LILRA1: variants seen among roughly 807,000 people sequenced by gnomAD.
LILRA1 encodes the protein leukocyte immunoglobulin-like receptor subfamily A member 1.
Under a neutral mutation model 51.6 loss-of-function variants are expected in LILRA1, and 51 were observed. The ratio of observed to expected loss-of-function variants is 0.99; its 90% confidence interval spans 0.79 to 1.25. The LOEUF is 1.25. Among genes scored for constraint, LILRA1 ranks in the 50% most tolerant of loss-of-function variants. LILRA1 has a pLI of 0.00. For missense variants in LILRA1, 660 were observed against 611.7 expected, an observed-to-expected ratio of 1.08 and a Z score of -0.83; for synonymous variants, 305 against 248.4, an observed-to-expected ratio of 1.23 and a Z score of -2.14.
At chr19:54,599,748 C>G in intron 8 of LILRA1, 1 of 439,964 alleles carries the variant, frequency 2.3e-6, no homozygotes, top group South Asian at 6.1e-5. Context: ...AAGTAAGATA[C>G]TTTTGAATAT....
rs780214812 is a variant in LILRA1 at position 54,596,341 on chromosome 19, T to A, written c.1111T>A (p.Ser371Thr). The A allele has an allele frequency of 9.9e-6, 16 of 1,613,962 alleles. No individual in the cohort carries two copies. Among genetic ancestry groups the A allele is most frequent in the African/African-American group, 1.3e-5 (1 of 74,942 alleles). ...GAADAPLRLRSIHEYPKYQAE... is the reference protein window; with the variant it reads ...GAADAPLRLRTIHEYPKYQAE... ...AGCTGATGCCCCCCTCCGTCTCAGA[T>A]CAATACACGAATATCCTAAGTACCA... Residue 371 changes from serine to threonine, a missense_variant, in exon 7 of 10, where the codon TCA (serine) becomes ACA (threonine). Transcript: ENST00000251372.
chr19:54,596,013 G>C, intron 6 of LILRA1, 78 bp downstream of exon 6: 8 of 1,563,080 alleles, frequency 5.1e-6, no homozygotes, highest in South Asian at 3.5e-5. Context: ...GGTGATGGCC[G>C]GAATGAGGGG....
At position 54,602,240 on chromosome 19, in the gene LILRA1, C is replaced by T. The variant is rs1331518990; in HGVS notation, c.*1423C>T. 1 of 151,910 alleles carries T rather than the reference C, an allele frequency of 6.6e-6. No homozygotes were observed. Among genetic ancestry groups the T allele is most frequent in the African/African-American group, 2.4e-5 (1 of 41,354 alleles). The allele number at this position is 151,910 out of a possible 1,614,324, so 9.4% of individuals were successfully genotyped here. ...AGAAATCTTATCATTCACCGTCTACCCTCTAGAGTAAACAAATCTTATCAT... is the reference window on the plus strand; with the variant it reads ...AGAAATCTTATCATTCACCGTCTACTCTCTAGAGTAAACAAATCTTATCAT... On this transcript the variant is annotated 3_prime_UTR_variant, in exon 10 of 10. Transcript: ENST00000251372.
At chr19:54,600,320 T>C (rs2363863) in intron 8 of LILRA1, among the ~76,000 whole-genome samples, 192 bp from the exon 9 acceptor site, 103,178 of 151,998 alleles carry the variant, frequency 0.68, 35,139 homozygotes, top group East Asian at 0.81. Flanking sequence ...GCCTCAGGAG[T>C]AACATTCGAA....
intron 7 of LILRA1, among the ~76,000 whole-genome samples, chr19:54,597,262 C>T (rs1370873428): frequency 6.6e-6 from 1 of 152,138 alleles, no homozygotes; most frequent in Non-Finnish European, 1.5e-5. Context: ...GGAGGGTGGA[C>T]AGTAAGGGTG....
intron 7 of LILRA1, among the ~76,000 whole-genome samples, chr19:54,598,363 T>C (rs765169113): frequency 1.3e-5 from 2 of 152,164 alleles, no homozygotes; most frequent in African/African-American, 2.4e-5. Flanking sequence ...CTTCCTCCTG[T>C]ACATATTAAA....
Position 54,601,156 on chromosome 19 carries a change from C to G in LILRA1, c.*339C>G. The stretch of plus-strand genomic sequence containing the variant: ...CCACACCTCTGCACATCTGTGTGCT[C>G]TGGTCCATGGTGTGTAACACAGTCT... On this transcript the variant is annotated 3_prime_UTR_variant, in exon 10 of 10. Transcript: ENST00000251372. 2.4e-6 allele frequency: 1 copy of G among 414,526 alleles called. No homozygotes were observed. The highest frequency in any genetic ancestry group is 4.5e-6 in the Non-Finnish European group (1 of 223,428). The allele number at this position is 414,526 out of a possible 1,614,324, so 25.7% of individuals were successfully genotyped here.
Position 54,594,870 on chromosome 19 carries a change from C to A in LILRA1, c.276C>A (p.His92Gln). ...CCATCCCATCCATCACCTGGGAACA[C>A]ACAGGGCGGTATCGCTGTTTCTACG... Reference protein sequence around the residue: ...QFPIPSITWEHTGRYRCFYGS... With the variant: ...QFPIPSITWEQTGRYRCFYGS... Residue 92 changes from histidine to glutamine, a missense_variant, in exon 4 of 10, where the codon CAC (histidine) becomes CAA (glutamine). By Grantham distance (24) the His-to-Gln change is conservative (BLOSUM62 0). Transcript: ENST00000251372. 6.6e-7 allele frequency: 1 copy of A among 1,516,036 alleles called. No homozygotes were observed. Among genetic ancestry groups the A allele is most frequent in the Non-Finnish European group, 9.1e-7 (1 of 1,098,486 alleles). 93.9% of individuals were successfully genotyped at this position (1,516,036 alleles called of 1,614,324 possible).
In LILRA1 at chr19:54,600,531, C is replaced by T. The variant is rs151133702; in HGVS notation, c.1332C>T (p.Ser444=). 137 of 1,614,064 alleles carry T rather than the reference C, an allele frequency of 8.5e-5. No individual in the cohort carries two copies. In the African/African-American group the frequency reaches 1.3e-3, roughly 15 times the overall value. ...DSKAGAANTL[S]PSQNKTASHP... ...TCTCAGGAGCAGCTAACACCCTCAG[C>T]CCATCACAAAACAAGACTGGTGAGT... The change falls in exon 9 of 10, where the codon AGC becomes AGT. Residue 444 remains serine (S), a synonymous_variant. Coordinates refer to ENST00000251372, the MANE Select transcript of LILRA1 (RefSeq NM_006863.4).
At position 54,595,418 on chromosome 19, in the gene LILRA1, C is replaced by A. The variant is rs436939; in HGVS notation, c.661+16C>A. ...CTGGTCCTAGGTGAGAAATTCACAG[C>A]ATTGCCTGGAGTTCCCTGAGTCTCC... On this transcript the variant is annotated intron_variant, in intron 5 of 9. Transcript: ENST00000251372. 67,784 of 1,587,340 alleles carry A rather than the reference C, an allele frequency of 0.043. 682 individuals carry two copies. The highest frequency in any genetic ancestry group is 0.054 in the South Asian group (4,777 of 88,424).
In LILRA1 at chr19:54,595,145, T is replaced by C. The variant is rs1181881035; in HGVS notation, c.404T>C (p.Val135Ala). 6.2e-7 allele frequency: 1 copy of C among 1,614,000 alleles called. No individual in the cohort carries two copies. The highest frequency in any genetic ancestry group is 8.5e-7 in the Non-Finnish European group (1 of 1,180,008). ...CTCTCAGCTCTACCCAGCCCTGTGG[T>C]GACCTCAGGAGGGAACGTGACCCTC... ...PTLSALPSPV[V>A]TSGGNVTLHC... Residue 135 changes from valine (V) to alanine (A), a missense_variant, in exon 5 of 10, where the codon GTG (valine) becomes GCG (alanine). Val to Ala is a moderately conservative substitution (Grantham distance 64). Transcript: ENST00000251372.
chr19:54,600,282 A>G (rs1219311040), intron 8 of LILRA1, among the ~76,000 whole-genome samples: 2 of 152,170 alleles, frequency 1.3e-5, no homozygotes, highest in African/African-American at 4.8e-5. Context: ...CTGAGCTCCC[A>G]GAGTGCAGGA....
chr19:54,597,464 C>T (rs549412978), intron 7 of LILRA1, among the ~76,000 whole-genome samples: 3 of 152,170 alleles, frequency 2.0e-5, no homozygotes, highest in East Asian at 3.9e-4. Context: ...ATAACAAAAT[C>T]TCTCCAATTT....
rs1390042192 is a variant in LILRA1 at position 54,600,871 on chromosome 19, G to A, written c.*54G>A. ...GAAGAATGTACCCTTCAGAGTGGTG[G>A]AGCCTTGGGAACAGATCTGATGATG... On this transcript the variant is annotated 3_prime_UTR_variant, in exon 10 of 10. Coordinates refer to ENST00000251372, the MANE Select transcript of LILRA1 (RefSeq NM_006863.4). 1.3e-6 allele frequency: 2 copies of A among 1,595,592 alleles called. No homozygotes were observed. The highest frequency in any genetic ancestry group is 1.7e-6 in the Non-Finnish European group (2 of 1,163,146).
rs200844677 is a variant in LILRA1, at chr19:54,600,917, A to G, written c.*100A>G. On this transcript the variant is annotated 3_prime_UTR_variant, in exon 10 of 10. Coordinates refer to ENST00000251372, the MANE Select transcript of LILRA1 (RefSeq NM_006863.4). ...TGATGCCAGGAGGTTCCGGGAGACA[A>G]TTTAGGGCTGATGCTATCTGGACTG... is the stretch of plus-strand genomic sequence containing the variant. 1.2e-4 allele frequency: 160 copies of G among 1,327,444 alleles called. No individual in the cohort carries two copies. The East Asian group carries it at 3.6e-3, about 30-fold the overall frequency. 82.2% of individuals were successfully genotyped at this position (1,327,444 alleles called of 1,614,324 possible).
In LILRA1 at chr19:54,596,638, C is replaced by T. The variant is rs190785494; in HGVS notation, c.1261+147C>T. 7.7e-4 allele frequency: 890 copies of T among 1,152,090 alleles called. 3 individuals are homozygous for T. The Middle Eastern group carries it at 0.015, about 19-fold the overall frequency. The allele number at this position is 1,152,090 out of a possible 1,614,324, so 71.4% of individuals were successfully genotyped here. Reference sequence around the variant, plus strand: ...ATCCCAGCACTTTGGGAGGCCCAGGCGGGTGGATCAGGAGGCCAGGAGATC... The same window carrying T: ...ATCCCAGCACTTTGGGAGGCCCAGGTGGGTGGATCAGGAGGCCAGGAGATC... On this transcript the variant is annotated intron_variant, in intron 7 of 9. Transcript: ENST00000251372.
At chr19:54,596,755 T>C (rs1004920302) in intron 7 of LILRA1, among the ~76,000 whole-genome samples, 1 of 151,922 alleles carries the variant, frequency 6.6e-6, no homozygotes, top group African/African-American at 2.4e-5. Context: ...TAGTCCCAGG[T>C]ACTCGGGAGG....
chr19:54,599,385 A>G (rs1258959468), intron 8 of LILRA1, 99 bp downstream of exon 8: 2 of 1,424,304 alleles, frequency 1.4e-6, no homozygotes, highest in Non-Finnish European at 9.4e-7. Context: ...AAAAAATTAC[A>G]TTCATTCTAA....
intron 7 of LILRA1, among the ~76,000 whole-genome samples, chr19:54,598,488 G>C (rs74572066): frequency 6.6e-6 from 1 of 152,122 alleles, no homozygotes; most frequent in Non-Finnish European, 1.5e-5. Flanking sequence ...GGAGGTCAGC[G>C]GGAGCTACAG....
Sources: allele counts gnomAD v4.1 joint callset (sites outside exome capture counted in the v4.1 genomes callset), GRCh38; gene constraint gnomAD v4.1.1; transcripts MANE v1.5; gene names NCBI Gene and HGNC (gene_info 2026-07-23, HGNC 2026-07-21).